Variants in EPHA5 observed in about 807,000 individuals in gnomAD.
EPHA5 encodes the protein EPH receptor A5.
EPHA5 carries 60 observed loss-of-function variants against 105.0 expected under a neutral mutation model. That is an observed-to-expected ratio of 0.57 (90% CI 0.46 to 0.71). The LOEUF (loss-of-function observed/expected upper bound fraction) is 0.71. EPHA5 is among the 30% of genes least tolerant of loss of function. The pLI is 0.00. For missense variants in EPHA5, 1,218 were observed against 1,274.7 expected, an observed-to-expected ratio of 0.96 and a Z score of 0.68; for synonymous variants, 513 against 449.1, an observed-to-expected ratio of 1.14 and a Z score of -1.80.
At chr4:65,635,263 G>A (rs1042657945) in intron 2 of EPHA5, among the ~76,000 whole-genome samples, 1 of 152,044 alleles carries the variant, frequency 6.6e-6, no homozygotes, top group Non-Finnish European at 1.5e-5. Flanking sequence ...TCCAGGCACA[G>A]AGCAACTTAC....
chr4:65,405,793 G>C (rs1181370567), intron 7 of EPHA5, among the ~76,000 whole-genome samples: 2 of 152,038 alleles, frequency 1.3e-5, no homozygotes, highest in African/African-American at 2.4e-5. Context: ...CAGTATAAAT[G>C]AGGTAGGAAA....
intron 3 of EPHA5, among the ~76,000 whole-genome samples, chr4:65,506,489 C>T (rs1733040180): frequency 6.9e-6 from 1 of 145,396 alleles, no homozygotes; most frequent in Non-Finnish European, 1.5e-5. Context: ...GTTCCTATTT[C>T]TCCGCATCCT....
At chr4:65,659,186 G>C (rs914140034) in intron 1 of EPHA5, among the ~76,000 whole-genome samples, 11 of 151,844 alleles carry the variant, frequency 7.2e-5, no homozygotes, top group African/African-American at 2.7e-4. Context: ...AACAGAGCAA[G>C]AGGTAGTGAT....
chr4:65,556,181 A>C (rs1422156874), intron 3 of EPHA5, among the ~76,000 whole-genome samples: 3 of 152,174 alleles, frequency 2.0e-5, no homozygotes, highest in Admixed American at 2.0e-4. Context: ...AAAAGCATAA[A>C]GCCAATTGGA....
chr4:65,635,605 A>T (rs1747048885), intron 2 of EPHA5, among the ~76,000 whole-genome samples: 1 of 152,278 alleles, frequency 6.6e-6, no homozygotes. Flanking sequence ...TACAGAAAAA[A>T]AAAGAGCAAT....
chr4:65,369,939 C>T (rs1276744270), intron 8 of EPHA5, among the ~76,000 whole-genome samples: 1 of 152,142 alleles, frequency 6.6e-6, no homozygotes, highest in African/African-American at 2.4e-5. Context: ...TGCACTCCAG[C>T]CTCGGCCACA....
intron 8 of EPHA5, among the ~76,000 whole-genome samples, chr4:65,374,491 A>G (rs907455844): frequency 6.6e-6 from 1 of 151,964 alleles, no homozygotes; most frequent in Non-Finnish European, 1.5e-5. Context: ...GGGAAACATG[A>G]AAGATCAAAA....
chr4:65,491,867 T>A (rs1731434028), intron 4 of EPHA5, among the ~76,000 whole-genome samples: 1 of 152,094 alleles, frequency 6.6e-6, no homozygotes, highest in Non-Finnish European at 1.5e-5. Flanking sequence ...TTTCTAACAC[T>A]AGAGTCAATG....
chr4:65,485,144 T>C (rs1400777348), intron 5 of EPHA5, among the ~76,000 whole-genome samples: 2 of 151,828 alleles, frequency 1.3e-5, no homozygotes, highest in African/African-American at 4.8e-5. Context: ...CTAATTTGTA[T>C]ATCCACTATT....
At chr4:65,401,934 AG>A (rs1721879646) in intron 8 of EPHA5, among the ~76,000 whole-genome samples, 3 of 149,430 alleles carry the variant, frequency 2.0e-5, no homozygotes, top group African/African-American at 7.5e-5. Flanking sequence ...AGAGAGAGAA[AG>A]AGAGAGAGAT....
intron 5 of EPHA5, among the ~76,000 whole-genome samples, chr4:65,431,109 TCTGAAAATA>T (rs1724927799): frequency 6.6e-6 from 1 of 152,106 alleles, no homozygotes; most frequent in Non-Finnish European, 1.5e-5. Context: ...AAAATTGTCT[TCTGAAAATA>T]AGCCAAGATA....
intron 3 of EPHA5, among the ~76,000 whole-genome samples, chr4:65,498,475 A>C (rs1732162716): frequency 6.6e-6 from 1 of 151,898 alleles, no homozygotes; most frequent in African/African-American, 2.4e-5. Context: ...GTAAAAAAGC[A>C]AGATCAGAGG....
chr4:65,513,163 C>T (rs186088957), intron 3 of EPHA5, among the ~76,000 whole-genome samples: 1 of 152,086 alleles, frequency 6.6e-6, no homozygotes, highest in Non-Finnish European at 1.5e-5. Context: ...CATTTTAGGA[C>T]CTTAAAGTAA....
chr4:65,408,545 T>A (rs1250506244), intron 7 of EPHA5, among the ~76,000 whole-genome samples: 1 of 127,014 alleles, frequency 7.9e-6, no homozygotes, highest in Non-Finnish European at 1.7e-5. Flanking sequence ...GAACAGACAC[T>A]TCTCAAAAGA....
intron 3 of EPHA5, among the ~76,000 whole-genome samples, chr4:65,501,742 G>C (rs952560978): frequency 2.7e-4 from 41 of 151,662 alleles, no homozygotes; most frequent in African/African-American, 9.6e-4. Context: ...CACAGAATCA[G>C]AAAAAACTTT....
At chr4:65,466,928 C>A (rs900868560) in intron 5 of EPHA5, among the ~76,000 whole-genome samples, 8 of 152,150 alleles carry the variant, frequency 5.3e-5, no homozygotes, top group African/African-American at 1.9e-4. Flanking sequence ...CAAGCCACCC[C>A]ACTGCACTTG....
At chr4:65,634,838 T>C (rs561305244) in intron 2 of EPHA5, among the ~76,000 whole-genome samples, 5 of 152,138 alleles carry the variant, frequency 3.3e-5, no homozygotes, top group African/African-American at 1.2e-4. Flanking sequence ...TTCCTTTCTT[T>C]CAGTAGGAAG....
chr4:65,592,792 A>AC (rs1742797222), intron 3 of EPHA5, among the ~76,000 whole-genome samples: 1 of 152,184 alleles, frequency 6.6e-6, no homozygotes, highest in Admixed American at 6.5e-5. Context: ...TCTGACTAGC[A>AC]CCATACCATG....
chr4:65,342,234 AT>A (rs1359695043), intron 14 of EPHA5, among the ~76,000 whole-genome samples: 7 of 151,904 alleles, frequency 4.6e-5, no homozygotes, highest in Non-Finnish European at 1.0e-4. Flanking sequence ...TTTATGTGTC[AT>A]TTTTTTCAAA....
Sources: gnomAD v4.1 joint callset for allele counts (sites outside exome capture counted in the v4.1 genomes callset) on GRCh38, gnomAD v4.1.1 for gene constraint, MANE v1.5 for transcripts, NCBI Gene and HGNC (gene_info 2026-07-23, HGNC 2026-07-21) for gene names.